PAX2: variants seen among roughly 807,000 people sequenced by gnomAD.
PAX2 encodes the protein paired box protein Pax-2.
A neutral mutation model predicts 41.7 loss-of-function variants in PAX2; 9 were observed. The observed-to-expected ratio is 0.22, with a 90% CI of 0.13 to 0.38. PAX2 has a LOEUF of 0.38. Among genes scored for constraint, PAX2 ranks in the 10% least tolerant of loss-of-function variants. PAX2 has a pLI of 1.00. For missense variants in PAX2, 418 were observed against 531.6 expected, an observed-to-expected ratio of 0.79 and a Z score of 2.10; for synonymous variants, 221 against 212.7, an observed-to-expected ratio of 1.04 and a Z score of -0.34.
chr10:100,795,358 T>G (rs1847283645), intron 5 of PAX2, among the ~76,000 whole-genome samples: 1 of 152,136 alleles, frequency 6.6e-6, no homozygotes, highest in Non-Finnish European at 1.5e-5. Flanking sequence ...TACACATCAT[T>G]ATATAATCAG....
exon 1 of PAX2, chr10:100,735,462 G>A (rs1430667372): frequency 8.5e-6 from 2 of 234,790 alleles, no homozygotes; most frequent in Non-Finnish European, 8.3e-6. Flanking sequence ...GCGTGTGCGC[G>A]GGGCGGAGAA....
intron 5 of PAX2, among the ~76,000 whole-genome samples, chr10:100,804,099 A>G (rs1388230970): frequency 6.6e-6 from 1 of 152,152 alleles, no homozygotes; most frequent in Non-Finnish European, 1.5e-5. Context: ...CAGGCAATCA[A>G]TAGGGGCAGC....
In PAX2 at chr10:100,747,670, G is replaced by A. The variant is rs558822210; in HGVS notation, c.43+1367G>A. 2.1e-5 allele frequency: 21 copies of A among 984,734 alleles called. No individual in the cohort carries two copies. In the East Asian group the frequency reaches 5.7e-4, roughly 27 times the overall value. 61.0% of individuals were successfully genotyped at this position (984,734 alleles called of 1,614,324 possible). On this transcript the variant is annotated intron_variant, in intron 1 of 9. Coordinates refer to ENST00000355243, the MANE Select transcript of PAX2 (RefSeq NM_000278.5). ...TATATTTAGCGTTGCGGGGGTTGGG[G>A]GGGGCGTTTAAAAATACTTCTGGGA...
chr10:100,828,870 G>T lies in PAX2; in HGVS notation c.*1251G>T. Reference sequence around the variant, plus strand: ...CCAGGCTGCTGCTTTGTGGAAAGACGGTGTGTGTCGTGTGAAGGCGAAACC... The same window carrying T: ...CCAGGCTGCTGCTTTGTGGAAAGACTGTGTGTGTCGTGTGAAGGCGAAACC... On this transcript the variant is annotated 3_prime_UTR_variant, in exon 10 of 10. Transcript: ENST00000355243. This position sits in a 1 kb window ranked among gnomAD's most constrained non-coding sequence, Gnocchi z 6.5. The T allele has an allele frequency of 4.3e-6, 1 of 231,536 alleles. No individual in the cohort carries two copies. Among genetic ancestry groups the T allele is most frequent in the Non-Finnish European group, 8.6e-6 (1 of 116,538 alleles). 14.3% of individuals were successfully genotyped at this position (231,536 alleles called of 1,614,324 possible).
chr10:100,766,809 G>A (rs1196148253), intron 3 of PAX2, among the ~76,000 whole-genome samples: 1 of 151,900 alleles, frequency 6.6e-6, no homozygotes. Context: ...AGCAATTACC[G>A]AATCATACAC....
chr10:100,767,602 T>C (rs1846071316), intron 3 of PAX2, among the ~76,000 whole-genome samples: 1 of 152,192 alleles, frequency 6.6e-6, no homozygotes, highest in Non-Finnish European at 1.5e-5. Context: ...GCCCTCATGC[T>C]GGGTGTTCAC....
rs550115348 is a variant in PAX2, at chr10:100,757,087, G to A, written c.410+6196G>A. Among the ~76,000 whole-genome samples the A allele has an allele frequency of 5.3e-5, 8 of 152,358 alleles. No homozygotes were observed. In the East Asian group the frequency reaches 1.3e-3, roughly 26 times the overall value. On this transcript the variant is annotated intron_variant, in intron 3 of 9. Transcript: ENST00000355243. Reference sequence around the variant, plus strand: ...GAACAGGCTATTTGTTTTGGGGCTAGCAAGGCATGGCTTGAATATATTCAT... The same window carrying A: ...GAACAGGCTATTTGTTTTGGGGCTAACAAGGCATGGCTTGAATATATTCAT...
chr10:100,783,306 G>A (rs1846706895), intron 5 of PAX2, among the ~76,000 whole-genome samples: 1 of 152,222 alleles, frequency 6.6e-6, no homozygotes, highest in African/African-American at 2.4e-5. Context: ...TTCTAGTGGG[G>A]CATGTTAAAC....
Position 100,748,867 on chromosome 10 carries a change from A to G in PAX2, c.44-879A>G, listed in dbSNP as rs1845318302. On this transcript the variant is annotated intron_variant, in intron 1 of 9. Transcript: ENST00000355243. This position sits in a 1 kb window ranked among gnomAD's most constrained non-coding sequence, Gnocchi z 5.0. Reference sequence around the variant, plus strand: ...ACACAGGGCGCCCCGAGAGTTATTAACTCGCCAGCGAGGCCTATGCCGTGC... The same window carrying G: ...ACACAGGGCGCCCCGAGAGTTATTAGCTCGCCAGCGAGGCCTATGCCGTGC... 1 of 985,008 alleles carries G rather than the reference A, an allele frequency of 1.0e-6. No homozygotes were observed. The highest frequency in any genetic ancestry group is 1.8e-5 in the African/African-American group (1 of 57,094). 61.0% of individuals were successfully genotyped at this position (985,008 alleles called of 1,614,324 possible). A position where few individuals can be genotyped will look rare whatever the true frequency, so the allele number is the denominator to read the frequency against.
Position 100,745,651 on chromosome 10 carries a change from GCTCC to G in PAX2, c.-596_-593del, listed in dbSNP as rs1392821713. On this transcript the variant is annotated 5_prime_UTR_variant, in exon 1 of 10. Coordinates refer to ENST00000355243, the MANE Select transcript of PAX2 (RefSeq NM_000278.5). ...AGCCCAGAGCTGCCAGCGCCGCTCG[GCTCC>G]CTCCCTCCCTCCCGGCCCTTCGGCC... 67 of 685,702 alleles carry G rather than the reference GCTCC, an allele frequency of 9.8e-5. No individual in the cohort carries two copies. The highest frequency in any genetic ancestry group is 1.2e-4 in the Non-Finnish European group (63 of 546,462). 42.5% of individuals were successfully genotyped at this position (685,702 alleles called of 1,614,324 possible).
chr10:100,756,181 C>T (rs1384279747), intron 3 of PAX2, among the ~76,000 whole-genome samples: 2 of 152,022 alleles, frequency 1.3e-5, no homozygotes, highest in East Asian at 1.9e-4. Flanking sequence ...CACTCCATAC[C>T]CCCTAAAACC....
chr10:100,777,993 C>T (rs374438272), intron 3 of PAX2, among the ~76,000 whole-genome samples: 43 of 152,282 alleles, frequency 2.8e-4, no homozygotes, highest in African/African-American at 5.8e-4. Context: ...GCGTGGCTTC[C>T]GCTTCCACCA....
intron 7 of PAX2, among the ~76,000 whole-genome samples, chr10:100,812,914 C>T (rs1398335686): frequency 3.3e-5 from 5 of 152,218 alleles, no homozygotes; most frequent in Non-Finnish European, 7.3e-5. Flanking sequence ...GTTCCATGCT[C>T]TCTAGAAAAG....
chr10:100,790,319 G>T (rs1847059180), intron 5 of PAX2, among the ~76,000 whole-genome samples: 1 of 152,176 alleles, frequency 6.6e-6, no homozygotes, highest in South Asian at 2.1e-4. Context: ...CACTGTCTCA[G>T]CAAAGGCTGT....
intron 3 of PAX2, among the ~76,000 whole-genome samples, chr10:100,765,907 CTT>C (rs1386064706): frequency 2.4e-5 from 3 of 125,982 alleles, no homozygotes; most frequent in African/African-American, 1.0e-4. Flanking sequence ...CTCAGAAAGC[CTT>C]TATATTTATC....
chr10:100,746,669 G>A (rs1397212482), intron 1 of PAX2, among the ~76,000 whole-genome samples: 1 of 152,174 alleles, frequency 6.6e-6, no homozygotes, highest in Non-Finnish European at 1.5e-5. Flanking sequence ...GGGCAAATTA[G>A]CAGGCAGTTT....
At chr10:100,759,132 C>T (rs1056957995) in intron 3 of PAX2, among the ~76,000 whole-genome samples, 4 of 152,022 alleles carry the variant, frequency 2.6e-5, no homozygotes, top group African/African-American at 4.8e-5. Context: ...TTTGCTCATC[C>T]GAGCTGGGGC....
At chr10:100,800,189 G>A (rs944972936) in intron 5 of PAX2, among the ~76,000 whole-genome samples, 2 of 151,866 alleles carry the variant, frequency 1.3e-5, no homozygotes, top group African/African-American at 4.8e-5. Flanking sequence ...TGATTTTGTA[G>A]ACTTTGATGA....
intron 5 of PAX2, among the ~76,000 whole-genome samples, chr10:100,793,817 G>A (rs1002446889): frequency 6.6e-6 from 1 of 152,178 alleles, no homozygotes; most frequent in Non-Finnish European, 1.5e-5. Flanking sequence ...TTGTATCAAT[G>A]TGGGCCCAGG....
Sources: gnomAD v4.1 joint callset for allele counts (sites outside exome capture counted in the v4.1 genomes callset) on GRCh38, gnomAD v4.1.1 for gene constraint, Gnocchi (gnomAD v3.1) non-coding constraint, MANE v1.5 for transcripts, NCBI Gene and HGNC (gene_info 2026-07-23, HGNC 2026-07-21) for gene names.